The following GALNT8 variants were observed in gnomAD, a reference collection of about 807,000 sequenced individuals.
GALNT8 encodes polypeptide N-acetylgalactosaminyltransferase 8, also known as probable polypeptide N-acetylgalactosaminyltransferase 8.
GALNT8 carries 66 observed loss-of-function variants against 62.7 expected under a neutral mutation model. The observed-to-expected ratio is 1.05, with a 90% CI of 0.86 to 1.29. The LOEUF is 1.29. GALNT8 is among the 50% of genes most tolerant of loss of function. The probability of loss-of-function intolerance (pLI) is 0.00; values close to 1 mark genes in which losing one functional copy is unlikely to be tolerated. For missense variants in GALNT8, 771 were observed against 791.8 expected (o/e 0.97, Z 0.32); for synonymous variants, 288 against 294.3 (o/e 0.98, Z 0.22).
At chr12:4,770,772 G>A (rs908236853) in intron 10 of GALNT8, among the ~76,000 whole-genome samples, 1 of 152,122 alleles carries the variant, frequency 6.6e-6, no homozygotes, top group Non-Finnish European at 1.5e-5. Flanking sequence ...CGTTGCTTGG[G>A]AATTTGATTC....
chr12:4,764,530 A>ATTTTT lies in GALNT8; in HGVS notation c.1593+510_1593+514dup, dbSNP rs58809573. Among the ~76,000 whole-genome samples the ATTTTT allele has an allele frequency of 3.0e-3, 303 of 102,166 alleles. 22 individuals are homozygous for ATTTTT. The highest frequency in any genetic ancestry group is 7.3e-3 in the Admixed American group (72 of 9,916). 67.0% of individuals were successfully genotyped at this position (102,166 alleles called of 152,430 possible). A position where few individuals can be genotyped will look rare whatever the true frequency, so the allele number is the denominator to read the frequency against. ...ACCATGTGGAAGGTGCAGTCAGGGG[A>ATTTTT]TTTTTTTTTTTTTTTTTTTTTTTTT... On this transcript the variant is annotated intron_variant, in intron 9 of 10. Transcript: ENST00000252318.
chr12:4,743,736 A>G (rs530048691), intron 3 of GALNT8, among the ~76,000 whole-genome samples: 1 of 152,340 alleles, frequency 6.6e-6, no homozygotes, highest in Non-Finnish European at 1.5e-5. Flanking sequence ...GGGATATTGT[A>G]GTGCCTACCA....
intron 10 of GALNT8, among the ~76,000 whole-genome samples, chr12:4,767,994 T>A (rs943602107): frequency 4.6e-5 from 7 of 152,216 alleles, no homozygotes; most frequent in Non-Finnish European, 1.5e-5. Flanking sequence ...GAAGATTTTT[T>A]AATTTAATAA....
At chr12:4,748,272 G>A (rs1199724329) in intron 6 of GALNT8, among the ~76,000 whole-genome samples, 1 of 152,056 alleles carries the variant, frequency 6.6e-6, no homozygotes, top group Non-Finnish European at 1.5e-5. Context: ...TGCTTGTGGG[G>A]TATTGCTGAA....
At chr12:4,729,785 G>A (rs1259150646) in intron 2 of GALNT8, among the ~76,000 whole-genome samples, 1 of 152,088 alleles carries the variant, frequency 6.6e-6, no homozygotes, top group Admixed American at 6.5e-5. Context: ...TCCATTTTTA[G>A]TATTTGAGGA....
In GALNT8 at chr12:4,740,752, C is replaced by T. The variant is rs1252571178; in HGVS notation, c.676+1423C>T. Among the ~76,000 whole-genome samples the T allele has an allele frequency of 2.0e-5, 3 of 152,176 alleles. No homozygotes were observed. The East Asian group carries it at 5.8e-4, about 29-fold the overall frequency. ...TTAACTATTTTAATCATTACAACAA[C>T]CCTATGAGGAAGGAATCACTTTTTG... On this transcript the variant is annotated intron_variant, in intron 3 of 10. Coordinates refer to ENST00000252318, the MANE Select transcript of GALNT8 (RefSeq NM_017417.2).
chr12:4,730,097 T>C (rs565425837), intron 2 of GALNT8, among the ~76,000 whole-genome samples: 2 of 152,196 alleles, frequency 1.3e-5, no homozygotes, highest in South Asian at 4.1e-4. Flanking sequence ...CTGTTCCTTA[T>C]ATATTTTGGA....
intron 3 of GALNT8, among the ~76,000 whole-genome samples, chr12:4,744,256 T>A (rs1946285196): frequency 6.6e-6 from 1 of 152,210 alleles, no homozygotes; most frequent in Non-Finnish European, 1.5e-5. Flanking sequence ...TAACAGTGCC[T>A]GACACGTAGT....
At chr12:4,737,897 A>T (rs1946252810) in intron 2 of GALNT8, among the ~76,000 whole-genome samples, 1 of 152,336 alleles carries the variant, frequency 6.6e-6, no homozygotes, top group Non-Finnish European at 1.5e-5. Context: ...CCTTGACATT[A>T]GACTTACTAG....
At chr12:4,754,916 C>A (rs1020233862) in intron 6 of GALNT8, among the ~76,000 whole-genome samples, 2 of 152,136 alleles carry the variant, frequency 1.3e-5, no homozygotes, top group African/African-American at 4.8e-5. Flanking sequence ...GGACCAGGGA[C>A]CACACAACTC....
chr12:4,745,263 G>A (rs1176429524), intron 4 of GALNT8, among the ~76,000 whole-genome samples, 166 bp from the exon 5 acceptor site: 1 of 152,140 alleles, frequency 6.6e-6, no homozygotes, highest in Admixed American at 6.6e-5. Flanking sequence ...ATCCCGAAAG[G>A]TTACAGAGAT....
chr12:4,728,241 A>C (rs1946205279), intron 2 of GALNT8, among the ~76,000 whole-genome samples: 1 of 151,394 alleles, frequency 6.6e-6, no homozygotes, highest in South Asian at 2.1e-4. Flanking sequence ...TGAGTTGCAG[A>C]GTACTTTATA....
At chr12:4,734,697 T>C (rs1174450853) in intron 2 of GALNT8, among the ~76,000 whole-genome samples, 1 of 125,088 alleles carries the variant, frequency 8.0e-6, no homozygotes, top group Admixed American at 7.8e-5. Context: ...GTCATACCAA[T>C]CCTTTGCTTA....
intron 10 of GALNT8, among the ~76,000 whole-genome samples, chr12:4,770,683 A>G (rs1027044558): frequency 3.3e-5 from 5 of 152,124 alleles, no homozygotes; most frequent in South Asian, 2.1e-4. Context: ...GAGGAGTCCA[A>G]TTATTTGCTG....
rs1295606516 is a variant in GALNT8 at position 4,761,005 on chromosome 12, T to C, written c.1221T>C (p.Ile407=). 3 of 1,614,064 alleles carry C rather than the reference T, an allele frequency of 1.9e-6. No individual in the cohort carries two copies. The highest frequency in any genetic ancestry group is 2.2e-5 in the South Asian group (2 of 91,088). ...TCGAGATTTTGCCCTGTTCCCGGAT[T>C]GCCCACCTAGAGAGACACCACAAGC... is the stretch of plus-strand genomic sequence containing the variant. ...GKVEILPCSR[I]AHLERHHKPY... The change falls in exon 7 of 11, where the codon ATT becomes ATC. Residue 407 remains isoleucine, a synonymous_variant. Coordinates refer to ENST00000252318, the MANE Select transcript of GALNT8 (RefSeq NM_017417.2).
At chr12:4,759,028 G>A (rs746269734) in intron 6 of GALNT8, among the ~76,000 whole-genome samples, 1 of 151,952 alleles carries the variant, frequency 6.6e-6, no homozygotes, top group Non-Finnish European at 1.5e-5. Context: ...TGCCTGCCTC[G>A]GCCTCCCAAA....
At chr12:4,737,356 G>T (rs1010640124) in intron 2 of GALNT8, among the ~76,000 whole-genome samples, 3 of 152,116 alleles carry the variant, frequency 2.0e-5, no homozygotes, top group African/African-American at 7.2e-5. Flanking sequence ...ACAAGTCTGA[G>T]AATTAAACAC....
At chr12:4,770,950 G>A (rs1946421513) in intron 10 of GALNT8, among the ~76,000 whole-genome samples, 1 of 152,204 alleles carries the variant, frequency 6.6e-6, no homozygotes, top group Non-Finnish European at 1.5e-5. Flanking sequence ...TGTTTCTCTA[G>A]CATCGAGGAT....
chr12:4,739,377 CT>C (rs754123117), intron 3 of GALNT8, 48 bp downstream of exon 3: 1 of 1,485,338 alleles, frequency 6.7e-7, no homozygotes, highest in South Asian at 1.2e-5. Context: ...CACTTATCAT[CT>C]GTGCTTGGCT....
Sources: gnomAD v4.1 joint callset for allele counts (sites outside exome capture counted in the v4.1 genomes callset) on GRCh38, gnomAD v4.1.1 for gene constraint, MANE v1.5 for transcripts, NCBI Gene and HGNC (gene_info 2026-07-23, HGNC 2026-07-21) for gene names.